CDH12: variants seen among roughly 807,000 people sequenced by gnomAD.
CDH12 encodes the protein cadherin-12.
A neutral mutation model predicts 74.1 loss-of-function variants in CDH12; 41 were observed. That is an observed-to-expected ratio of 0.55 (90% CI 0.43 to 0.72). CDH12 has a LOEUF of 0.72. Ranked by LOEUF, CDH12 falls within the 30% of genes least tolerant of loss-of-function variation. The pLI, the probability that CDH12 is intolerant of heterozygous loss-of-function variation, is 0.00. For synonymous variants in CDH12, 399 were observed against 355.0 expected (o/e 1.12, Z -1.39); for missense variants, 945 against 977.2 (o/e 0.97, Z 0.44).
intron 1 of CDH12, among the ~76,000 whole-genome samples, chr5:22,665,064 C>A (rs1253567782): frequency 1.3e-5 from 2 of 152,088 alleles, no homozygotes; most frequent in South Asian, 4.1e-4. Context: ...AAGTAATCCT[C>A]CCTCCTCAGC....
At chr5:22,523,757 C>T (rs189602655) in intron 1 of CDH12, among the ~76,000 whole-genome samples, 1 of 152,088 alleles carries the variant, frequency 6.6e-6, no homozygotes, top group Non-Finnish European at 1.5e-5. Context: ...TAACGCCTTC[C>T]CAGACTATTT....
At chr5:22,678,514 C>G (rs1043445038) in intron 1 of CDH12, among the ~76,000 whole-genome samples, 3 of 152,088 alleles carry the variant, frequency 2.0e-5, no homozygotes, top group Non-Finnish European at 4.4e-5. Context: ...AGCATTGCTT[C>G]TATTCTCTGA....
chr5:22,442,944 G>T (rs915495135), intron 2 of CDH12, among the ~76,000 whole-genome samples: 2 of 152,094 alleles, frequency 1.3e-5, no homozygotes, highest in Non-Finnish European at 2.9e-5. Context: ...TCAATATTGT[G>T]TAGATGAGAC....
At chr5:22,686,363 C>T (rs1741797924) in intron 1 of CDH12, among the ~76,000 whole-genome samples, 1 of 152,078 alleles carries the variant, frequency 6.6e-6, no homozygotes, top group African/African-American at 2.4e-5. Context: ...TCTTTTGATG[C>T]ACAAATACTT....
intron 11 of CDH12, among the ~76,000 whole-genome samples, chr5:21,769,744 A>G (rs1372573865): frequency 6.6e-6 from 1 of 152,176 alleles, no homozygotes; most frequent in Non-Finnish European, 1.5e-5. Flanking sequence ...TTCTCATGCT[A>G]TTCTTCGTAG....
intron 2 of CDH12, among the ~76,000 whole-genome samples, chr5:22,422,466 C>T (rs1003869101): frequency 3.3e-5 from 5 of 151,750 alleles, no homozygotes; most frequent in African/African-American, 4.8e-5. Flanking sequence ...CTGTTGAATT[C>T]GGTTTGCCAG....
intron 4 of CDH12, among the ~76,000 whole-genome samples, chr5:22,209,022 T>A (rs1751385556): frequency 6.6e-6 from 1 of 152,228 alleles, no homozygotes. Context: ...GTAGTCATTG[T>A]GGAACCTGTT....
At chr5:22,246,420 A>G (rs1333982267) in intron 3 of CDH12, among the ~76,000 whole-genome samples, 3 of 152,170 alleles carry the variant, frequency 2.0e-5, no homozygotes, top group Non-Finnish European at 4.4e-5. Context: ...TTTCTTAGAA[A>G]CTAATTATTT....
intron 1 of CDH12, among the ~76,000 whole-genome samples, chr5:22,572,419 GA>G (rs1381892967): frequency 6.6e-6 from 1 of 152,056 alleles, no homozygotes; most frequent in Non-Finnish European, 1.5e-5. Context: ...TAAATGCAAT[GA>G]AATTACTTAT....
intron 3 of CDH12, among the ~76,000 whole-genome samples, chr5:22,283,245 T>TATATATATATAG (rs1561281691): frequency 1.7e-5 from 2 of 115,158 alleles, no homozygotes; most frequent in African/African-American, 7.0e-5. Context: ...TATATATATA[T>TATATATATATAG]ATATATACAC....
intron 2 of CDH12, among the ~76,000 whole-genome samples, chr5:22,500,942 A>G (rs771593482): frequency 1.4e-4 from 22 of 152,206 alleles, no homozygotes; most frequent in Non-Finnish European, 2.8e-4. Context: ...TGATTAGGAC[A>G]AAAAACATGT....
chr5:22,160,393 T>TC, intron 4 of CDH12, among the ~76,000 whole-genome samples: 1 of 152,282 alleles, frequency 6.6e-6, no homozygotes, highest in Middle Eastern at 3.4e-3. Context: ...CCCTTGGTTC[T>TC]CCTAGACTTT....
At chr5:22,486,913 T>C (rs1472243178) in intron 2 of CDH12, among the ~76,000 whole-genome samples, 1 of 152,192 alleles carries the variant, frequency 6.6e-6, no homozygotes, top group African/African-American at 2.4e-5. Flanking sequence ...GGAAGTTCAT[T>C]GAGGTCAAGT....
At position 22,813,813 on chromosome 5, in the gene CDH12, T is replaced by C. The variant is rs554941697; in HGVS notation, c.-523+39245A>G. Among the ~76,000 whole-genome samples the C allele has an allele frequency of 6.6e-5, 10 of 152,254 alleles. No individual in the cohort carries two copies. In the South Asian group the frequency reaches 2.1e-3, roughly 32 times the overall value. On this transcript the variant is annotated intron_variant, in intron 1 of 14. Transcript: ENST00000382254. Reference sequence around the variant, plus strand: ...ACATTGTGAACTTAGAATTGGAATCTTCCCTGGTCGAGCCTCAGATGAAAA... The same window carrying C: ...ACATTGTGAACTTAGAATTGGAATCCTCCCTGGTCGAGCCTCAGATGAAAA...
chr5:22,365,945 G>C (rs926569506), intron 3 of CDH12, among the ~76,000 whole-genome samples: 1 of 152,118 alleles, frequency 6.6e-6, no homozygotes, highest in African/African-American at 2.4e-5. Context: ...ATTATACTCA[G>C]TCTATTTATC....
At chr5:21,989,496 G>A (rs1757658019) in intron 5 of CDH12, among the ~76,000 whole-genome samples, 1 of 152,132 alleles carries the variant, frequency 6.6e-6, no homozygotes. Context: ...TTGACTAAAA[G>A]TAGATGACAT....
intron 3 of CDH12, among the ~76,000 whole-genome samples, chr5:22,357,341 C>A (rs13153935): frequency 0.43 from 65,959 of 151,864 alleles, 15,814 homozygotes; most frequent in Non-Finnish European, 0.54. Flanking sequence ...TGACTATTTT[C>A]AAATTGACAT....
At chr5:22,186,073 C>T (rs574602569) in intron 4 of CDH12, among the ~76,000 whole-genome samples, 7 of 152,336 alleles carry the variant, frequency 4.6e-5, no homozygotes, top group African/African-American at 1.7e-4. Flanking sequence ...GGAATCTCCT[C>T]TCCTTAAGTG....
chr5:22,387,850 CT>C (rs1232720374), intron 3 of CDH12, among the ~76,000 whole-genome samples: 1 of 151,966 alleles, frequency 6.6e-6, no homozygotes, highest in Non-Finnish European at 1.5e-5. Flanking sequence ...GAGCTTTTTT[CT>C]TTTTATGTTT....
Sources: gnomAD v4.1 joint callset for allele counts (sites outside exome capture counted in the v4.1 genomes callset) on GRCh38, gnomAD v4.1.1 for gene constraint, MANE v1.5 for transcripts, NCBI Gene and HGNC (gene_info 2026-07-23, HGNC 2026-07-21) for gene names.